MACF1: variants seen among roughly 807,000 people sequenced by gnomAD.
The protein encoded by MACF1 is microtubule-actin cross-linking factor 1.
In MACF1, 193 loss-of-function variants were observed where a neutral mutation model predicts 854.8. The observed-to-expected ratio is 0.23, with a 90% CI of 0.20 to 0.25. MACF1 has a LOEUF of 0.25. Ranked by LOEUF, MACF1 falls within the 10% of genes least tolerant of loss-of-function variation. The pLI, the probability that MACF1 is intolerant of heterozygous loss-of-function variation, is 1.00. For synonymous variants in MACF1, 3,185 were observed against 3,226.7 expected (o/e 0.99, Z 0.44); for missense variants, 7,722 against 8,929.1 (o/e 0.86, Z 5.45).
At chr1:39,345,039 A>T (rs927706927) in intron 40 of MACF1, among the ~76,000 whole-genome samples, 1 of 152,094 alleles carries the variant, frequency 6.6e-6, no homozygotes, top group African/African-American at 2.4e-5. Context: ...CTACTGTAAC[A>T]TTATGATAAA....
chr1:39,127,875 A>T (rs544734425), intron 2 of MACF1, among the ~76,000 whole-genome samples: 13 of 152,362 alleles, frequency 8.5e-5, no homozygotes, highest in Non-Finnish European at 1.5e-4. Context: ...CCTAGTGATT[A>T]AGAGGAAAAA....
chr1:39,414,151 CCAG>C (rs748370801), intron 58 of MACF1: 1 of 1,611,054 alleles, frequency 6.2e-7, no homozygotes, highest in Non-Finnish European at 8.5e-7. Context: ...GCCCGCCTCC[CCAG>C]CAGCAGCAGT....
intron 36 of MACF1, among the ~76,000 whole-genome samples, chr1:39,329,505 A>G (rs1052480324): frequency 1.3e-5 from 2 of 152,208 alleles, no homozygotes; most frequent in African/African-American, 4.8e-5. Flanking sequence ...ACTCACTGAG[A>G]TAAAATGAAA....
rs181978740 is a variant in MACF1, at chr1:39,111,135, C to T, written c.220+26697C>T. ...TTTTGATTGGAGTTGAAGCCTCTCT[C>T]GTCTGGCTTCTATTGGTGGCATTTA... is the stretch of plus-strand genomic sequence containing the variant. On this transcript the variant is annotated intron_variant, in intron 2 of 93. Transcript: ENST00000361689. 1.1e-4 allele frequency among the ~76,000 whole-genome samples: 16 copies of T among 152,278 alleles called. No individual in the cohort carries two copies. In the East Asian group the frequency reaches 3.1e-3, roughly 29 times the overall value.
chr1:39,268,779 A>C, intron 6 of MACF1: 1 of 1,289,790 alleles, frequency 7.8e-7, no homozygotes, highest in Non-Finnish European at 1.0e-6. Context: ...TCCTAAGAAA[A>C]GGGTTCGGTT....
chr1:39,439,183 G>A, intron 71 of MACF1, 91 bp from the exon 72 acceptor site: 1 of 595,126 alleles, frequency 1.7e-6, no homozygotes, highest in Non-Finnish European at 3.0e-6. Context: ...TAGTTTCATT[G>A]AAAAGGTCAG....
At chr1:39,414,124 G>A in intron 58 of MACF1, 1 of 1,608,878 alleles carries the variant, frequency 6.2e-7, no homozygotes, top group Non-Finnish European at 8.5e-7. Context: ...AGCAGCTGCA[G>A]TGTCCAACCT....
chr1:39,218,968 A>G (rs1279632189), intron 1 of MACF1, among the ~76,000 whole-genome samples: 1 of 151,978 alleles, frequency 6.6e-6, no homozygotes, highest in African/African-American at 2.4e-5. Flanking sequence ...TTTAGTGGAG[A>G]CGGGGTTTCA....
At chr1:39,477,045 GTATATA>G (rs745911075) in intron 97 of MACF1, among the ~76,000 whole-genome samples, 828 of 63,666 alleles carry the variant, frequency 0.013, 11 homozygotes, top group Non-Finnish European at 0.016. Flanking sequence ...TACACTTAGT[GTATATA>G]TATATATATA....
chr1:39,408,781 G>C (rs898659890), intron 58 of MACF1, among the ~76,000 whole-genome samples: 7 of 152,088 alleles, frequency 4.6e-5, no homozygotes, highest in African/African-American at 1.4e-4. Flanking sequence ...TCTGGCCCCG[G>C]GGCGCGGTGG....
chr1:39,288,930 G>T (rs1017751917), intron 15 of MACF1, among the ~76,000 whole-genome samples: 2 of 152,032 alleles, frequency 1.3e-5, no homozygotes, highest in Non-Finnish European at 2.9e-5. Flanking sequence ...CTCTGATCCC[G>T]TAATACTCTT....
rs1015986647 is a variant in MACF1, at chr1:39,089,095, C to T, written c.220+4657C>T. ...GGAGAGGACAGAAGGGAGAAAAGGC[C>T]GGGTGTAGTGGCTCACACCTGTAAT... On this transcript the variant is annotated intron_variant, in intron 2 of 93. Transcript: ENST00000361689. Among the ~76,000 whole-genome samples the T allele has an allele frequency of 4.6e-5, 7 of 152,118 alleles. 1 individual carries two copies. Among genetic ancestry groups the T allele is most frequent in the Non-Finnish European group, 8.8e-5 (6 of 68,034 alleles).
At chr1:39,120,784 A>G (rs761728777) in intron 2 of MACF1, among the ~76,000 whole-genome samples, 1 of 98,346 alleles carries the variant, frequency 1.0e-5, no homozygotes, top group Non-Finnish European at 2.1e-5. Context: ...TAAGCACATC[A>G]TGGAGAATGG....
chr1:39,308,537 G>A (rs1319138516), intron 23 of MACF1, among the ~76,000 whole-genome samples: 10 of 152,108 alleles, frequency 6.6e-5, no homozygotes, highest in Admixed American at 6.6e-4. Context: ...AGGTAACGTG[G>A]TGGGTATGTA....
At chr1:39,101,446 C>T (rs918578564) in intron 2 of MACF1, among the ~76,000 whole-genome samples, 7 of 151,120 alleles carry the variant, frequency 4.6e-5, no homozygotes, top group Non-Finnish European at 7.4e-5. Context: ...CCAGGCTGGT[C>T]GTGAACTCCT....
At chr1:39,153,330 A>T (rs924150538) in intron 2 of MACF1, among the ~76,000 whole-genome samples, 4 of 152,186 alleles carry the variant, frequency 2.6e-5, no homozygotes, top group African/African-American at 9.7e-5. Flanking sequence ...CTGAGGTCCT[A>T]TAGGTACAGA....
chr1:39,444,898 A>G (rs991376327), intron 80 of MACF1, 63 bp downstream of exon 80: 4 of 1,424,418 alleles, frequency 2.8e-6, no homozygotes, highest in Admixed American at 4.5e-5. Context: ...AATAATTGCC[A>G]TCTTATTTAT....
intron 2 of MACF1, among the ~76,000 whole-genome samples, chr1:39,186,354 A>G (rs563715075): frequency 2.1e-5 from 3 of 144,262 alleles, no homozygotes; most frequent in African/African-American, 7.7e-5. Flanking sequence ...GCAACCACCA[A>G]CTCCCTGGTT....
intron 13 of MACF1, 79 bp from the exon 14 acceptor site, chr1:39,285,525 G>A (rs1645626360): frequency 1.5e-5 from 22 of 1,472,110 alleles, no homozygotes; most frequent in Non-Finnish European, 1.9e-5. Flanking sequence ...TGGAATTGCA[G>A]TAGACTTCTT....
Sources: allele counts gnomAD v4.1 joint callset (sites outside exome capture counted in the v4.1 genomes callset), GRCh38; gene constraint gnomAD v4.1.1; transcripts MANE v1.5; gene names NCBI Gene and HGNC (gene_info 2026-07-23, HGNC 2026-07-21).